Variants in SLC25A12 observed in about 807,000 individuals in gnomAD.
SLC25A12 encodes solute carrier family 25 member 12, also known as electrogenic aspartate/glutamate antiporter SLC25A12, mitochondrial.
Under a neutral mutation model 83.3 loss-of-function variants are expected in SLC25A12, and 32 were observed. The observed-to-expected ratio is 0.38, with a 90% confidence interval of 0.29 to 0.52. The LOEUF is 0.52. Among genes scored for constraint, SLC25A12 ranks in the 20% least tolerant of loss-of-function variants. The pLI, the probability that SLC25A12 is intolerant of heterozygous loss-of-function variation, is 0.84. For synonymous variants in SLC25A12, 267 were observed against 291.1 expected, an observed-to-expected ratio of 0.92 and a Z score of 0.84; for missense variants, 611 against 835.6, an observed-to-expected ratio of 0.73 and a Z score of 3.31.
rs182217302 is a variant in SLC25A12, at chr2:171,821,390, C to A, written c.930+5408G>T. On this transcript the variant is annotated intron_variant, in intron 9 of 17. Transcript: ENST00000422440. ...TTAGGGACTACACCCAGGAGAGGAA[C>A]CAACAGGTCACGGGGTATGTGTTTC... Among the ~76,000 whole-genome samples the A allele has an allele frequency of 3.3e-5, 5 of 152,228 alleles. No individual in the cohort carries two copies. In the East Asian group the frequency reaches 5.8e-4, roughly 18 times the overall value.
At chr2:171,886,262 ACT>A (rs1685815673) in intron 2 of SLC25A12, among the ~76,000 whole-genome samples, 1 of 126,238 alleles carries the variant, frequency 7.9e-6, no homozygotes, top group African/African-American at 3.1e-5. Context: ...ACAGAGTCTC[ACT>A]CTGTCACTCA....
intron 4 of SLC25A12, among the ~76,000 whole-genome samples, chr2:171,851,914 A>G (rs909721074): frequency 2.6e-5 from 4 of 152,202 alleles, no homozygotes; most frequent in African/African-American, 9.7e-5. Flanking sequence ...GGTTACCTGA[A>G]TCTAATAGTA....
In SLC25A12 at chr2:171,894,206, G is replaced by A; in HGVS notation, c.9C>T (p.Val3=). The change falls in exon 1 of 18, where the codon GTC becomes GTT. Residue 3 remains valine, a synonymous_variant. Coordinates refer to ENST00000422440, the MANE Select transcript of SLC25A12 (RefSeq NM_003705.5). The part of the protein sequence containing the change: MA[V]KVQTTKRGDP... ...AGCAGCAGAGAGTTGGAGTCACCTT[G>A]ACCGCCATGCTGTGCTCGGAAGCCG... is the stretch of plus-strand genomic sequence containing the variant. The A allele has an allele frequency of 1.2e-6, 2 of 1,609,072 alleles. No individual in the cohort carries two copies. Among genetic ancestry groups the A allele is most frequent in the Non-Finnish European group, 8.5e-7 (1 of 1,177,894 alleles).
chr2:171,846,634 C>T (rs887096771), intron 4 of SLC25A12, among the ~76,000 whole-genome samples: 31 of 152,102 alleles, frequency 2.0e-4, no homozygotes, highest in East Asian at 9.7e-4. Context: ...AGTGAAACTC[C>T]GTCTCTACTA....
rs150588730 is a variant in SLC25A12, at chr2:171,887,065, C to T, written c.66+6140G>A. On this transcript the variant is annotated intron_variant, in intron 2 of 17. Coordinates refer to ENST00000422440, the MANE Select transcript of SLC25A12 (RefSeq NM_003705.5). ...GTATATTTCAACAAAGAGTAAGGGT[C>T]TCCTGCTAAAAGCCCTGCTTTATTC... Among the ~76,000 whole-genome samples the T allele has an allele frequency of 4.9e-3, 753 of 152,264 alleles. 8 individuals are homozygous for T. The highest frequency in any genetic ancestry group is 0.017 in the African/African-American group (714 of 41,542).
intron 7 of SLC25A12, chr2:171,834,457 T>A: frequency 4.0e-6 from 2 of 496,056 alleles, no homozygotes; most frequent in Non-Finnish European, 7.2e-6. Context: ...TCCTTCCTAG[T>A]ACAAACAAGC....
chr2:171,831,121 A>C (rs1684421745), intron 8 of SLC25A12, among the ~76,000 whole-genome samples: 1 of 152,176 alleles, frequency 6.6e-6, no homozygotes, highest in Non-Finnish European at 1.5e-5. Context: ...CATCTTTACA[A>C]CAGTTTTGTT....
At chr2:171,807,642 A>G (rs984964642) in intron 13 of SLC25A12, among the ~76,000 whole-genome samples, 2 of 152,376 alleles carry the variant, frequency 1.3e-5, no homozygotes, top group South Asian at 4.1e-4. Context: ...ACCAAGAAAA[A>G]GAATATTTAT....
At chr2:171,871,435 T>C (rs537526619) in intron 2 of SLC25A12, among the ~76,000 whole-genome samples, 1 of 152,328 alleles carries the variant, frequency 6.6e-6, no homozygotes, top group African/African-American at 2.4e-5. Flanking sequence ...CATGGTGGCA[T>C]GCGCCTTTAG....
At chr2:171,871,845 G>C (rs1025998521) in intron 2 of SLC25A12, 8 of 613,676 alleles carry the variant, frequency 1.3e-5, no homozygotes, top group Non-Finnish European at 1.4e-5. Context: ...CTTGAACCTG[G>C]GAGGCGGAGG....
chr2:171,890,712 G>A (rs1685913633), intron 2 of SLC25A12, among the ~76,000 whole-genome samples: 1 of 152,024 alleles, frequency 6.6e-6, no homozygotes, highest in Non-Finnish European at 1.5e-5. Context: ...TGAACTCCTG[G>A]GCTCAAGTGA....
intron 10 of SLC25A12, among the ~76,000 whole-genome samples, chr2:171,813,995 TC>T (rs1365795866): frequency 2.0e-5 from 3 of 152,156 alleles, no homozygotes; most frequent in African/African-American, 4.8e-5. Flanking sequence ...GAAACACACT[TC>T]AACATTATCC....
intron 2 of SLC25A12, among the ~76,000 whole-genome samples, chr2:171,875,924 A>AAAG (rs1685560282): frequency 6.7e-6 from 1 of 150,078 alleles, no homozygotes; most frequent in African/African-American, 2.4e-5. Flanking sequence ...AAAAAAAAAA[A>AAAG]AAAAAAGAAA....
At position 171,837,208 on chromosome 2, in the gene SLC25A12, G is replaced by A. The variant is rs759201054; in HGVS notation, c.525C>T (p.Gly175=). The part of the protein sequence containing the change: ...AFALKDKSKS[G]MISGLDFSDI... The stretch of plus-strand genomic sequence containing the variant: ...CACTGAAATCCAGACCAGAAATCAT[G>A]CCACTTTTGCTTTTGTCTTTGAGTG... Residue 175 remains glycine (G), a synonymous_variant, in exon 6 of 18, where the codon GGC becomes GGT. Coordinates refer to ENST00000422440, the MANE Select transcript of SLC25A12 (RefSeq NM_003705.5). 2.0e-5 allele frequency: 32 copies of A among 1,613,928 alleles called. No individual in the cohort carries two copies. The highest frequency in any genetic ancestry group is 2.5e-5 in the Non-Finnish European group (30 of 1,179,986).
chr2:171,811,460 G>A (rs1430970593), intron 11 of SLC25A12, among the ~76,000 whole-genome samples: 9 of 152,050 alleles, frequency 5.9e-5, no homozygotes, highest in Non-Finnish European at 1.3e-4. Flanking sequence ...TTTACAACTC[G>A]CCTCAATAAG....
At chr2:171,846,213 T>TA (rs1409120313) in intron 4 of SLC25A12, among the ~76,000 whole-genome samples, 4 of 151,760 alleles carry the variant, frequency 2.6e-5, no homozygotes, top group Admixed American at 6.6e-5. Context: ...ATCTTCAAGT[T>TA]AAAAAAAATT....
At chr2:171,819,594 A>G (rs934073645) in intron 9 of SLC25A12, among the ~76,000 whole-genome samples, 1 of 150,330 alleles carries the variant, frequency 6.7e-6, no homozygotes, top group African/African-American at 2.4e-5. Context: ...TAAATGAGTT[A>G]AATTTAAATG....
intron 13 of SLC25A12, among the ~76,000 whole-genome samples, chr2:171,806,746 T>C (rs12692974): frequency 0.28 from 42,290 of 152,088 alleles, 6,059 homozygotes; most frequent in African/African-American, 0.33. Context: ...TAGGTTAATG[T>C]ATTAGGTGCA....
intron 1 of SLC25A12, 30 bp downstream of exon 1, chr2:171,894,173 A>G: frequency 6.2e-7 from 1 of 1,604,562 alleles, no homozygotes; most frequent in Non-Finnish European, 8.5e-7. Flanking sequence ...CTCTTATGCA[A>G]TAAAAGCAGC....
Sources: allele counts gnomAD v4.1 joint callset (sites outside exome capture counted in the v4.1 genomes callset), GRCh38; gene constraint gnomAD v4.1.1; transcripts MANE v1.5; gene names NCBI Gene and HGNC (gene_info 2026-07-23, HGNC 2026-07-21).